ADRA1D: variants seen among roughly 807,000 people sequenced by gnomAD.
ADRA1D encodes the protein adrenoceptor alpha 1D.
ADRA1D carries 22 observed loss-of-function variants against 18.6 expected under a neutral mutation model. The ratio of observed to expected loss-of-function variants is 1.19; its 90% confidence interval spans 0.85 to 1.69. The LOEUF (loss-of-function observed/expected upper bound fraction) is 1.69, where lower values mean the gene tolerates loss of function less well. ADRA1D is among the 40% of genes most tolerant of loss of function. The probability of loss-of-function intolerance (pLI) is 0.00; values close to 1 mark genes in which losing one functional copy is unlikely to be tolerated. For synonymous variants in ADRA1D, 376 were observed against 388.2 expected, an observed-to-expected ratio of 0.97 and a Z score of 0.37; for missense variants, 840 against 840.7, an observed-to-expected ratio of 1.00 and a Z score of 0.01.
Position 4,239,456 on chromosome 20 carries a change from C to T in ADRA1D, c.1111+8391G>A, listed in dbSNP as rs1490128881. Among the ~76,000 whole-genome samples the T allele has an allele frequency of 6.6e-6, 1 of 152,146 alleles. No individual in the cohort carries two copies. The highest frequency in any genetic ancestry group is 2.4e-5 in the African/African-American group (1 of 41,416). On this transcript the variant is annotated intron_variant, in intron 1 of 1. Transcript: ENST00000379453. The surrounding 1 kb of genome is among the most constrained non-coding windows in gnomAD (Gnocchi z 4.9). ...TAGATCTGTCCATTGAATCAGTGAC[C>T]AACTCAGTATCAATGAACAGCTCAG...
At chr20:4,226,324 TCTTA>T (rs1196120522) in intron 1 of ADRA1D, among the ~76,000 whole-genome samples, 1 of 152,276 alleles carries the variant, frequency 6.6e-6, no homozygotes, top group Non-Finnish European at 1.5e-5. Context: ...TGAGGTTTTG[TCTTA>T]CTTTGGGCTC....
chr20:4,248,260 A>G lies in ADRA1D; in HGVS notation c.698T>C (p.Leu233Pro). 1 of 1,608,550 alleles carries G rather than the reference A, an allele frequency of 6.2e-7. No homozygotes were observed. The change falls in exon 1 of 2, where the codon CTG becomes CCG. Residue 233 changes from leucine (L) to proline (P), a missense_variant. Leu to Pro is a moderately conservative substitution (Grantham distance 98). Coordinates refer to ENST00000379453, the MANE Select transcript of ADRA1D (RefSeq NM_000678.4). Reference protein sequence around the residue: ...VALVVSVGPLLGWKEPVPPDE... With the variant: ...VALVVSVGPLPGWKEPVPPDE... ...AGGGGGCACGGGCTCCTTCCAGCCCAGCAGGGGCCCTACGGACACCACCAG... is the reference window on the plus strand; with the variant it reads ...AGGGGGCACGGGCTCCTTCCAGCCCGGCAGGGGCCCTACGGACACCACCAG...
At chr20:4,235,177 G>A (rs1474973074) in intron 1 of ADRA1D, among the ~76,000 whole-genome samples, 2 of 152,114 alleles carry the variant, frequency 1.3e-5, no homozygotes, top group African/African-American at 4.8e-5. Flanking sequence ...TAGGTCAGAA[G>A]TCCTTCTGTG....
chr20:4,224,722 G>A (rs986850204), intron 1 of ADRA1D, among the ~76,000 whole-genome samples: 2 of 150,006 alleles, frequency 1.3e-5, no homozygotes, highest in Non-Finnish European at 3.0e-5. Flanking sequence ...GGTAGGGGGG[G>A]GTCCTTAACA....
chr20:4,224,847 G>A (rs1261769080), intron 1 of ADRA1D, among the ~76,000 whole-genome samples: 2 of 151,960 alleles, frequency 1.3e-5, no homozygotes, highest in Non-Finnish European at 2.9e-5. Context: ...TATCGGCTTT[G>A]CTTATCACCC....
At chr20:4,236,826 G>A (rs1981103734) in intron 1 of ADRA1D, among the ~76,000 whole-genome samples, 2 of 152,182 alleles carry the variant, frequency 1.3e-5, no homozygotes, top group African/African-American at 4.8e-5. Flanking sequence ...TGGAGGCAGG[G>A]CCATGAGCCA....
intron 1 of ADRA1D, among the ~76,000 whole-genome samples, chr20:4,224,424 C>T (rs1057440286): frequency 1.3e-5 from 2 of 152,226 alleles, no homozygotes; most frequent in African/African-American, 2.4e-5. Context: ...ACCATGGACC[C>T]AGAAAAGGTC....
intron 1 of ADRA1D, among the ~76,000 whole-genome samples, chr20:4,243,276 T>C (rs1431007950): frequency 1.3e-5 from 2 of 152,112 alleles, no homozygotes; most frequent in Non-Finnish European, 2.9e-5. Flanking sequence ...CTGGGTCCTC[T>C]CTGGAAGTCC....
chr20:4,233,676 G>A (rs1321872780), intron 1 of ADRA1D, among the ~76,000 whole-genome samples: 1 of 152,148 alleles, frequency 6.6e-6, no homozygotes, highest in East Asian at 1.9e-4. Flanking sequence ...AAAACCTTGG[G>A]ACCAGGGATT....
chr20:4,243,413 G>A (rs1981264036), intron 1 of ADRA1D, among the ~76,000 whole-genome samples: 1 of 152,130 alleles, frequency 6.6e-6, no homozygotes, highest in Non-Finnish European at 1.5e-5. Flanking sequence ...ATTTTCCGTG[G>A]CACCCAGCCC....
chr20:4,232,186 T>C (rs1353501019), intron 1 of ADRA1D, among the ~76,000 whole-genome samples: 1 of 152,204 alleles, frequency 6.6e-6, no homozygotes, highest in African/African-American at 2.4e-5. Flanking sequence ...AATGCTGGGA[T>C]TACAGGCATT....
rs1000929985 is a variant in ADRA1D, at chr20:4,249,250, G to T, written c.-293C>A. On this transcript the variant is annotated 5_prime_UTR_variant, in exon 1 of 2. Coordinates refer to ENST00000379453, the MANE Select transcript of ADRA1D (RefSeq NM_000678.4). ...CAAGCGGGCAAAGCGGCGGCTCCGG[G>T]GCCGGGCGGTGCAGGCAGCGGCCAC... Among the ~76,000 whole-genome samples, 6 of 152,002 alleles carry T rather than the reference G, an allele frequency of 3.9e-5. No homozygotes were observed. Among genetic ancestry groups the T allele is most frequent in the African/African-American group, 1.2e-4 (5 of 41,406 alleles).
chr20:4,225,105 A>G (rs933931024), intron 1 of ADRA1D, among the ~76,000 whole-genome samples: 1 of 150,264 alleles, frequency 6.7e-6, no homozygotes, highest in Admixed American at 6.7e-5. Flanking sequence ...GGGTTCAAGC[A>G]ATTCTCCTGC....
rs769657233 is a variant in ADRA1D at position 4,248,655 on chromosome 20, GACGCCC to G, written c.297_302del (p.Gly100_Val101del). ...CCATAAGGATGAAGGCTGCCAGGAAGACGCCCACGCCCACGCCCTGCGCGCTCACCA... is the reference window on the plus strand; with the variant it reads ...CCATAAGGATGAAGGCTGCCAGGAAGACGCCCACGCCCTGCGCGCTCACCA... On this transcript the variant is annotated inframe_deletion, in exon 1 of 2. Coordinates refer to ENST00000379453, the MANE Select transcript of ADRA1D (RefSeq NM_000678.4). 1.6e-5 allele frequency: 26 copies of G among 1,609,566 alleles called. No homozygotes were observed. The highest frequency in any genetic ancestry group is 3.3e-4 in the Middle Eastern group (2 of 6,056).
At position 4,248,208 on chromosome 20, in the gene ADRA1D, C is replaced by G; in HGVS notation, c.750G>C (p.Glu250Asp). The change falls in exon 1 of 2, where the codon GAG (glutamate) becomes GAC (aspartate). Residue 250 changes from glutamate (E) to aspartate (D), a missense_variant. Coordinates refer to ENST00000379453, the MANE Select transcript of ADRA1D (RefSeq NM_000678.4). Reference sequence around the variant, plus strand: ...AGGAGAAGACAGCGTAGCCCGCCTCCTCGGTGATACCGCAGAAGCGCTCGT... The same window carrying G: ...AGGAGAAGACAGCGTAGCCCGCCTCGTCGGTGATACCGCAGAAGCGCTCGT... The part of the protein sequence containing the change: ...PPDERFCGIT[E>D]EAGYAVFSSV... 4 of 1,594,602 alleles carry G rather than the reference C, an allele frequency of 2.5e-6. No individual in the cohort carries two copies. Among genetic ancestry groups the G allele is most frequent in the Non-Finnish European group, 3.4e-6 (4 of 1,170,786 alleles).
intron 1 of ADRA1D, among the ~76,000 whole-genome samples, chr20:4,234,240 G>C (rs888679776): frequency 6.6e-6 from 1 of 152,348 alleles, no homozygotes; most frequent in South Asian, 2.1e-4. Flanking sequence ...GGCAGGGAGG[G>C]ACATGGCTGG....
At chr20:4,246,345 C>T (rs1981336271) in intron 1 of ADRA1D, among the ~76,000 whole-genome samples, 2 of 152,170 alleles carry the variant, frequency 1.3e-5, no homozygotes, top group South Asian at 2.1e-4. Flanking sequence ...AAGGACACCA[C>T]TGAGGGTCAT....
At position 4,247,868 on chromosome 20, in the gene ADRA1D, AAG is replaced by A. The variant is rs748369313; in HGVS notation, c.1088_1089del (p.Pro363LeufsTer225). The stretch of plus-strand genomic sequence containing the variant: ...TCACCGAGCGGCAGGACAAAGAAGA[AAG>A]GGAACCAGCAGAGCACGAAGACACC... ...VVGVFVLCWF[P>X]FFFVLPLGSL... On this transcript the variant is annotated frameshift_variant, in exon 1 of 2. Transcript: ENST00000379453. LOFTEE classifies it low-confidence loss of function (END_TRUNC). 6.4e-7 allele frequency: 1 copy of A among 1,566,640 alleles called. No individual in the cohort carries two copies. The highest frequency in any genetic ancestry group is 8.6e-7 in the Non-Finnish European group (1 of 1,157,848).
chr20:4,244,635 T>C (rs1568768982), intron 1 of ADRA1D, among the ~76,000 whole-genome samples: 1 of 152,186 alleles, frequency 6.6e-6, no homozygotes, highest in Non-Finnish European at 1.5e-5. Flanking sequence ...TGCTCAGTGT[T>C]CCCTGTTCCT....
Sources: gnomAD v4.1 joint callset for allele counts (sites outside exome capture counted in the v4.1 genomes callset) on GRCh38, gnomAD v4.1.1 for gene constraint, Gnocchi (gnomAD v3.1) non-coding constraint, MANE v1.5 for transcripts, NCBI Gene and HGNC (gene_info 2026-07-23, HGNC 2026-07-21) for gene names.